MARK3: variants seen among roughly 807,000 people sequenced by gnomAD.
The protein encoded by MARK3 is microtubule affinity regulating kinase 3.
Under a neutral mutation model 90.1 loss-of-function variants are expected in MARK3, and 46 were observed. The observed-to-expected ratio is 0.51, with a 90% CI of 0.40 to 0.65. The LOEUF (loss-of-function observed/expected upper bound fraction) is 0.65. MARK3 is among the 30% of genes least tolerant of loss of function. The pLI is 0.00. For missense variants in MARK3, 818 were observed against 947.2 expected, an observed-to-expected ratio of 0.86 and a Z score of 1.79; for synonymous variants, 321 against 332.6, an observed-to-expected ratio of 0.97 and a Z score of 0.38.
At chr14:103,455,960 T>TA (rs1380203028) in intron 5 of MARK3, among the ~76,000 whole-genome samples, 1 of 152,224 alleles carries the variant, frequency 6.6e-6, no homozygotes, top group Non-Finnish European at 1.5e-5. Context: ...TGAAAACACT[T>TA]ATATCTAATT....
At chr14:103,404,622 A>G (rs1236037401) in intron 1 of MARK3, among the ~76,000 whole-genome samples, 1 of 152,230 alleles carries the variant, frequency 6.6e-6, no homozygotes, top group African/African-American at 2.4e-5. Flanking sequence ...AGTGTAGTAT[A>G]GAAGGAAATC....
intron 1 of MARK3, among the ~76,000 whole-genome samples, chr14:103,401,237 T>G (rs1566772411): frequency 1.3e-5 from 2 of 152,214 alleles, no homozygotes; most frequent in Non-Finnish European, 2.9e-5. Context: ...TTCTTAAATT[T>G]TTTAATTTAA....
At chr14:103,493,258 A>ATTTTTTTTTTTTTTTTTTTTTT in intron 15 of MARK3, among the ~76,000 whole-genome samples, 1 of 105,374 alleles carries the variant, frequency 9.5e-6, no homozygotes. Flanking sequence ...TTTTTTTTTA[A>ATTTTTTTTTTTTTTTTTTTTTT]TTTTTTTTTT....
At chr14:103,401,810 G>A (rs1409239244) in intron 1 of MARK3, among the ~76,000 whole-genome samples, 4 of 152,204 alleles carry the variant, frequency 2.6e-5, no homozygotes, top group African/African-American at 9.7e-5. Flanking sequence ...AGTACTCTAG[G>A]ATCCCAGTAA....
At position 103,503,424 on chromosome 14, in the gene MARK3, TG is replaced by T. The variant is rs2142206028; in HGVS notation, c.*198del. 1 of 580,392 alleles carries T rather than the reference TG, an allele frequency of 1.7e-6. No homozygotes were observed. Among genetic ancestry groups the T allele is most frequent in the Admixed American group, 3.3e-5 (1 of 30,630 alleles). 36.0% of individuals were successfully genotyped at this position (580,392 alleles called of 1,614,324 possible). On this transcript the variant is annotated 3_prime_UTR_variant, in exon 18 of 18. Coordinates refer to ENST00000429436, the MANE Select transcript of MARK3 (RefSeq NM_001128918.3). ...CACTACATTAAAGATGTGCAACCTATGCGCCCCCTGCCCTACTTCCGTTACC... is the reference window on the plus strand; with the variant it reads ...CACTACATTAAAGATGTGCAACCTATCGCCCCCTGCCCTACTTCCGTTACC...
chr14:103,425,938 G>A (rs1171925106), intron 2 of MARK3, among the ~76,000 whole-genome samples: 1 of 152,170 alleles, frequency 6.6e-6, no homozygotes, highest in Non-Finnish European at 1.5e-5. Flanking sequence ...TGGTCAGGTG[G>A]AGGCTTTAGA....
chr14:103,500,298 G>T lies in MARK3; in HGVS notation c.1916+98G>T, dbSNP rs548426843. The T allele has an allele frequency of 1.7e-5, 15 of 907,566 alleles. No homozygotes were observed. In the South Asian group the frequency reaches 2.6e-4, roughly 16 times the overall value. 56.2% of individuals were successfully genotyped at this position (907,566 alleles called of 1,614,324 possible). ...TCTGAATGTTCCCTACTGTATTCCT[G>T]CTGTCTCTGTAGGAGTTACGTAGAG... is the stretch of plus-strand genomic sequence containing the variant. On this transcript the variant is annotated intron_variant, in intron 17 of 17. Transcript: ENST00000429436.
chr14:103,488,593 G>A (rs944658278), intron 14 of MARK3, among the ~76,000 whole-genome samples: 2 of 152,030 alleles, frequency 1.3e-5, no homozygotes, highest in Admixed American at 1.3e-4. Context: ...GGCTCACAAG[G>A]CCTATAATCC....
chr14:103,426,010 G>C (rs971524886), intron 2 of MARK3, among the ~76,000 whole-genome samples: 1 of 152,234 alleles, frequency 6.6e-6, no homozygotes, highest in African/African-American at 2.4e-5. Flanking sequence ...ATTCTCAAAA[G>C]TATGACATGG....
intron 6 of MARK3, among the ~76,000 whole-genome samples, chr14:103,461,337 A>C (rs1422404573): frequency 6.6e-6 from 1 of 152,204 alleles, no homozygotes; most frequent in Non-Finnish European, 1.5e-5. Context: ...AAATTTCTAC[A>C]ATGACCATAT....
chr14:103,469,554 C>G (rs189519850), intron 12 of MARK3, among the ~76,000 whole-genome samples: 1 of 151,172 alleles, frequency 6.6e-6, no homozygotes, highest in Non-Finnish European at 1.5e-5. Flanking sequence ...GGCATGATCT[C>G]CGCTCACTGC....
intron 1 of MARK3, among the ~76,000 whole-genome samples, chr14:103,395,608 A>G (rs1566761484): frequency 1.3e-5 from 2 of 152,120 alleles, no homozygotes; most frequent in African/African-American, 4.8e-5. Flanking sequence ...GTTCACTCCC[A>G]GGTTTCATTG....
At chr14:103,425,520 G>GCTCA (rs2092375806) in intron 2 of MARK3, among the ~76,000 whole-genome samples, 2 of 152,044 alleles carry the variant, frequency 1.3e-5, no homozygotes, top group Non-Finnish European at 2.9e-5. Flanking sequence ...ACCTCCCAAA[G>GCTCA]TGCTGGGATT....
chr14:103,404,982 G>A (rs2091191377), intron 1 of MARK3, 94 bp from the exon 2 acceptor site: 8 of 828,642 alleles, frequency 9.7e-6, no homozygotes, highest in Admixed American at 3.2e-5. Flanking sequence ...TAAAATTAAA[G>A]TAGGAATGTT....
chr14:103,423,839 A>G (rs1036711963), intron 2 of MARK3, among the ~76,000 whole-genome samples: 1 of 152,236 alleles, frequency 6.6e-6, no homozygotes, highest in Non-Finnish European at 1.5e-5. Context: ...GTTAAGCTGA[A>G]TGAAACATAT....
intron 2 of MARK3, among the ~76,000 whole-genome samples, chr14:103,408,193 G>A (rs2091429461): frequency 6.6e-6 from 1 of 151,966 alleles, no homozygotes; most frequent in African/African-American, 2.4e-5. Flanking sequence ...TTTGGCGGGG[G>A]GGAGGTGGTG....
At chr14:103,428,702 AG>A (rs1430885599) in intron 3 of MARK3, among the ~76,000 whole-genome samples, 1 of 152,156 alleles carries the variant, frequency 6.6e-6, no homozygotes, top group African/African-American at 2.4e-5. Context: ...TAGTTGTACG[AG>A]GCTGTACTTT....
intron 2 of MARK3, among the ~76,000 whole-genome samples, chr14:103,410,324 G>T (rs553353280): frequency 6.6e-6 from 1 of 152,288 alleles, no homozygotes; most frequent in South Asian, 2.1e-4. Flanking sequence ...AGAGGGCAGA[G>T]CCCTTGCAAT....
At chr14:103,400,172 G>C (rs2090865065) in intron 1 of MARK3, among the ~76,000 whole-genome samples, 1 of 152,050 alleles carries the variant, frequency 6.6e-6, no homozygotes, top group African/African-American at 2.4e-5. Context: ...CAGGTGATCT[G>C]CTAGCCTTGG....
Sources: gnomAD v4.1 joint callset for allele counts (sites outside exome capture counted in the v4.1 genomes callset) on GRCh38, gnomAD v4.1.1 for gene constraint, MANE v1.5 for transcripts, NCBI Gene and HGNC (gene_info 2026-07-23, HGNC 2026-07-21) for gene names.